NXPE2: variants seen among roughly 807,000 people sequenced by gnomAD.
The protein encoded by NXPE2 is neurexophilin and PC-esterase domain family member 2.
NXPE2 carries 34 observed loss-of-function variants against 34.4 expected under a neutral mutation model. The observed-to-expected ratio is 0.99, with a 90% CI of 0.75 to 1.31. The LOEUF (loss-of-function observed/expected upper bound fraction) is 1.31, where lower values mean the gene tolerates loss of function less well. Among genes scored for constraint, NXPE2 ranks in the 40% most tolerant of loss-of-function variants. The pLI, the probability that NXPE2 is intolerant of heterozygous loss-of-function variation, is 0.00. For missense variants in NXPE2, 649 were observed against 672.5 expected (o/e 0.97, Z 0.39); for synonymous variants, 235 against 231.3 (o/e 1.02, Z -0.15).
chr11:114,669,151 C>T, the NXPE2 span, among the ~76,000 whole-genome samples: 1 of 152,042 alleles, frequency 6.6e-6, no homozygotes, highest in South Asian at 2.1e-4. Flanking sequence ...TCTGTGGACC[C>T]TCTCCCCAGT....
chr11:114,525,669 A>C, the NXPE2 span, among the ~76,000 whole-genome samples: 1 of 152,188 alleles, frequency 6.6e-6, no homozygotes, highest in South Asian at 2.1e-4. Flanking sequence ...CCTGAGTTGC[A>C]ACACCTGGCT....
At chr11:114,464,394 C>T in the NXPE2 span, among the ~76,000 whole-genome samples, 4 of 152,296 alleles carry the variant, frequency 2.6e-5, no homozygotes, top group South Asian at 8.3e-4. Context: ...TGACCATCCT[C>T]AACCTACAAT....
the NXPE2 span, among the ~76,000 whole-genome samples, chr11:114,637,159 C>T: frequency 3.3e-5 from 5 of 151,668 alleles, no homozygotes; most frequent in Non-Finnish European, 5.9e-5. Context: ...GTATTGGGTC[C>T]ATATATATTT....
chr11:114,692,622 C>A (rs535031117), intron 2 of NXPE2, among the ~76,000 whole-genome samples: 3 of 152,308 alleles, frequency 2.0e-5, no homozygotes, highest in Admixed American at 2.0e-4. Context: ...TTGGGGATTT[C>A]TCTCTTACTG....
intron 2 of NXPE2, among the ~76,000 whole-genome samples, chr11:114,690,872 G>A (rs1294663542): frequency 6.6e-6 from 1 of 151,824 alleles, no homozygotes; most frequent in Non-Finnish European, 1.5e-5. Flanking sequence ...CTAGACCATT[G>A]TTAAGGTTTC....
the NXPE2 span, among the ~76,000 whole-genome samples, chr11:114,587,607 G>A: frequency 2.6e-5 from 4 of 152,204 alleles, no homozygotes; most frequent in Non-Finnish European, 4.4e-5. Context: ...TATGGGTTAT[G>A]CTTGCATCAA....
At chr11:114,577,086 C>CACAT in the NXPE2 span, among the ~76,000 whole-genome samples, 1 of 119,008 alleles carries the variant, frequency 8.4e-6, no homozygotes, top group Admixed American at 8.8e-5. Flanking sequence ...TATATATATA[C>CACAT]ATATATATAT....
the NXPE2 span, among the ~76,000 whole-genome samples, chr11:114,647,129 A>C: frequency 6.6e-6 from 1 of 152,308 alleles, no homozygotes; most frequent in South Asian, 2.1e-4. Context: ...TGAAATGGTA[A>C]TATTAAATAA....
the NXPE2 span, among the ~76,000 whole-genome samples, chr11:114,611,091 G>C: frequency 6.6e-6 from 1 of 151,704 alleles, no homozygotes; most frequent in East Asian, 2.0e-4. Flanking sequence ...GATAATAAGT[G>C]TTGCCTCGTG....
At chr11:114,612,564 C>T in the NXPE2 span, among the ~76,000 whole-genome samples, 1 of 151,866 alleles carries the variant, frequency 6.6e-6, no homozygotes, top group South Asian at 2.1e-4. Context: ...TCATGGGTAA[C>T]CACTGTTACC....
At chr11:114,627,992 C>A in the NXPE2 span, among the ~76,000 whole-genome samples, 1 of 151,754 alleles carries the variant, frequency 6.6e-6, no homozygotes, top group African/African-American at 2.4e-5. Context: ...TATATGGACC[C>A]AACACAGGAG....
chr11:114,571,073 C>T, the NXPE2 span: 2 of 1,613,962 alleles, frequency 1.2e-6, no homozygotes, highest in Non-Finnish European at 1.7e-6. Flanking sequence ...GGAAAATGTC[C>T]TTTATGATGA....
the NXPE2 span, among the ~76,000 whole-genome samples, chr11:114,590,685 C>T: frequency 1.3e-5 from 2 of 152,100 alleles, no homozygotes; most frequent in African/African-American, 4.8e-5. Context: ...GCCTGAGGAC[C>T]AGCTCAACAA....
the NXPE2 span, among the ~76,000 whole-genome samples, chr11:114,614,635 A>G: frequency 6.6e-6 from 1 of 151,296 alleles, no homozygotes; most frequent in East Asian, 2.0e-4. Flanking sequence ...GGTGGATTAT[A>G]AGTATTGCCT....
At chr11:114,707,113 TAG>T (rs1951493312), downstream of NXPE2, among the ~76,000 whole-genome samples, 1 of 152,282 alleles carries the variant, frequency 6.6e-6, no homozygotes, top group East Asian at 1.9e-4. Flanking sequence ...ATTTTTGAGA[TAG>T]AGTTTTGCTC....
chr11:114,602,470 T>C, the NXPE2 span, among the ~76,000 whole-genome samples: 394 of 135,654 alleles, frequency 2.9e-3, 3 homozygotes, highest in African/African-American at 9.8e-3. Flanking sequence ...ATATATAAAT[T>C]ATAGATTATA....
At chr11:114,634,233 ATG>A in the NXPE2 span, among the ~76,000 whole-genome samples, 1 of 151,654 alleles carries the variant, frequency 6.6e-6, no homozygotes, top group Non-Finnish European at 1.5e-5. Context: ...GCATTTTTTC[ATG>A]TGTTTTTTGG....
intron 3 of NXPE2, among the ~76,000 whole-genome samples, chr11:114,700,069 T>C (rs1591441540): frequency 6.6e-6 from 1 of 152,184 alleles, no homozygotes; most frequent in Non-Finnish European, 1.5e-5. Context: ...GCTGGAATTA[T>C]AGGCATGAGC....
chr11:114,700,640 ACT>A (rs1206861444), intron 3 of NXPE2, among the ~76,000 whole-genome samples: 1 of 152,220 alleles, frequency 6.6e-6, no homozygotes, highest in African/African-American at 2.4e-5. Flanking sequence ...AATGCCTGAC[ACT>A]GAGAAAGTTC....
Sources: gnomAD v4.1 joint callset for allele counts (sites outside exome capture counted in the v4.1 genomes callset) on GRCh38, gnomAD v4.1.1 for gene constraint, MANE v1.5 for transcripts, NCBI Gene and HGNC (gene_info 2026-07-23, HGNC 2026-07-21) for gene names.